NRXN3: variants seen among roughly 807,000 people sequenced by gnomAD.
NRXN3 encodes the protein neurexin 3, also known as neurexin III.
Under a neutral mutation model 137.6 loss-of-function variants are expected in NRXN3, and 32 were observed. The ratio of observed to expected loss-of-function variants is 0.23; its 90% CI spans 0.18 to 0.31. The LOEUF is 0.31. Ranked by LOEUF, NRXN3 falls within the 10% of genes least tolerant of loss-of-function variation. The pLI is 1.00. For synonymous variants in NRXN3, 798 were observed against 784.5 expected, an observed-to-expected ratio of 1.02 and a Z score of -0.29; for missense variants, 1,574 against 2,062.5, an observed-to-expected ratio of 0.76 and a Z score of 4.59.
At chr14:78,938,671 C>T (rs2099346636) in intron 10 of NRXN3, among the ~76,000 whole-genome samples, 1 of 151,732 alleles carries the variant, frequency 6.6e-6, no homozygotes, top group African/African-American at 2.4e-5. Context: ...GAATGTGGTT[C>T]TTTAGGACAT....
chr14:79,394,677 A>G (rs979751051), intron 15 of NRXN3, among the ~76,000 whole-genome samples: 3 of 152,236 alleles, frequency 2.0e-5, no homozygotes, highest in Non-Finnish European at 2.9e-5. Flanking sequence ...AGGACTTGGC[A>G]TCAGTATTTC....
intron 19 of NRXN3, among the ~76,000 whole-genome samples, chr14:79,721,108 G>A (rs958816951): frequency 6.6e-6 from 1 of 152,096 alleles, no homozygotes; most frequent in African/African-American, 2.4e-5. Context: ...CTGCAAATAA[G>A]CCTTACAAGA....
At chr14:79,533,997 T>G (rs2097191055) in intron 16 of NRXN3, among the ~76,000 whole-genome samples, 2 of 152,216 alleles carry the variant, frequency 1.3e-5, no homozygotes, top group South Asian at 4.1e-4. Flanking sequence ...TTGAATACAC[T>G]TTTTTCTCTA....
intron 16 of NRXN3, among the ~76,000 whole-genome samples, chr14:79,494,134 T>A (rs1005290508): frequency 2.6e-5 from 4 of 152,202 alleles, no homozygotes; most frequent in African/African-American, 9.7e-5. Context: ...ACCAGTTTAT[T>A]GAAATTTGAC....
At chr14:79,120,337 A>C (rs1459788465) in intron 15 of NRXN3, among the ~76,000 whole-genome samples, 1 of 152,156 alleles carries the variant, frequency 6.6e-6, no homozygotes, top group African/African-American at 2.4e-5. Context: ...ACTTTAAGTA[A>C]TAACAAAGCT....
At chr14:79,476,771 A>G (rs1285591503) in intron 16 of NRXN3, among the ~76,000 whole-genome samples, 3 of 152,126 alleles carry the variant, frequency 2.0e-5, no homozygotes, top group South Asian at 4.1e-4. Flanking sequence ...GGTAGTCACT[A>G]TTAATATCCT....
rs114971331 is a variant in NRXN3, at chr14:79,035,671, T to C, written c.3262+47530T>C. 8.1e-3 allele frequency among the ~76,000 whole-genome samples: 1,227 copies of C among 152,180 alleles called. 17 individuals carry two copies. The highest frequency in any genetic ancestry group is 0.027 in the African/African-American group (1,141 of 41,550). ...ATCTAACTCAATCTAAATTATATGA[T>C]TTCCGTTTCTACACAGTGGAACAAG... On this transcript the variant is annotated intron_variant, in intron 15 of 20. Transcript: ENST00000335750.
chr14:79,452,564 T>C (rs909164030), intron 15 of NRXN3, among the ~76,000 whole-genome samples: 16 of 152,190 alleles, frequency 1.1e-4, no homozygotes, highest in African/African-American at 3.9e-4. Context: ...TTCCAGGGCC[T>C]GATGACCTGG....
Position 79,867,236 on chromosome 14 carries a change from T to A in NRXN3, c.*5272T>A, listed in dbSNP as rs1224155828. On this transcript the variant is annotated 3_prime_UTR_variant, in exon 21 of 21. Transcript: ENST00000335750. ...GAGAAGCAAGTCATTTTCTACTTTT[T>A]CCAGAAGCATTTGAAGTGGAAGCTA... 6.6e-6 allele frequency: 1 copy of A among 152,182 alleles called. No homozygotes were observed. The highest frequency in any genetic ancestry group is 1.5e-5 in the Non-Finnish European group (1 of 68,048). 9.4% of individuals were successfully genotyped at this position (152,182 alleles called of 1,614,324 possible). A position where few individuals can be genotyped will look rare whatever the true frequency, so the allele number is the denominator to read the frequency against.
At chr14:79,491,585 T>C (rs1247355372) in intron 16 of NRXN3, among the ~76,000 whole-genome samples, 4 of 151,732 alleles carry the variant, frequency 2.6e-5, no homozygotes, top group Admixed American at 6.6e-5. Flanking sequence ...TGTAAAGAAA[T>C]GACATTTTTC....
At chr14:79,329,625 T>C (rs2091393712) in intron 15 of NRXN3, among the ~76,000 whole-genome samples, 1 of 152,194 alleles carries the variant, frequency 6.6e-6, no homozygotes. Flanking sequence ...AGCCAGAATC[T>C]GGTCTGTGGG....
chr14:78,365,883 C>T (rs190194553), intron 4 of NRXN3, among the ~76,000 whole-genome samples: 14 of 152,110 alleles, frequency 9.2e-5, no homozygotes, highest in Non-Finnish European at 1.3e-4. Flanking sequence ...GAGGGTACCC[C>T]GAATGAAAGA....
intron 16 of NRXN3, among the ~76,000 whole-genome samples, chr14:79,562,095 T>A (rs929945286): frequency 6.6e-6 from 1 of 152,154 alleles, no homozygotes; most frequent in African/African-American, 2.4e-5. Flanking sequence ...ATCATATAAA[T>A]TTCAGATTTT....
At chr14:79,069,702 T>A (rs2099685126) in intron 15 of NRXN3, among the ~76,000 whole-genome samples, 1 of 152,174 alleles carries the variant, frequency 6.6e-6, no homozygotes, top group African/African-American at 2.4e-5. Flanking sequence ...AGTCTCAAGA[T>A]CTGGCCCTGG....
intron 3 of NRXN3, among the ~76,000 whole-genome samples, chr14:78,287,118 A>G (rs1363912282): frequency 6.6e-6 from 1 of 152,194 alleles, no homozygotes; most frequent in Non-Finnish European, 1.5e-5. Flanking sequence ...AAAGTTTGAG[A>G]ATCACTGTTT....
At chr14:78,567,939 C>A (rs1566769402) in intron 4 of NRXN3, among the ~76,000 whole-genome samples, 3 of 152,136 alleles carry the variant, frequency 2.0e-5, no homozygotes, top group African/African-American at 7.2e-5. Flanking sequence ...CTCCATCATT[C>A]CTTTCATTCA....
chr14:79,343,905 C>G (rs550118753), intron 15 of NRXN3, among the ~76,000 whole-genome samples: 171 of 152,172 alleles, frequency 1.1e-3, no homozygotes, highest in African/African-American at 4.0e-3. Context: ...TCCCAAAGTG[C>G]TGGGATTACA....
At chr14:79,059,948 TTG>T (rs2099672169) in intron 15 of NRXN3, among the ~76,000 whole-genome samples, 1 of 152,238 alleles carries the variant, frequency 6.6e-6, no homozygotes, top group African/African-American at 2.4e-5. Flanking sequence ...CTTATTTTAC[TTG>T]CCTCTGGCCT....
chr14:79,377,213 G>C (rs1048790140), intron 15 of NRXN3, among the ~76,000 whole-genome samples: 4 of 152,154 alleles, frequency 2.6e-5, no homozygotes, highest in African/African-American at 7.2e-5. Flanking sequence ...GCTAAGTTTA[G>C]TATTCTGGTG....
Sources: allele counts gnomAD v4.1 joint callset (sites outside exome capture counted in the v4.1 genomes callset), GRCh38; gene constraint gnomAD v4.1.1; transcripts MANE v1.5; gene names NCBI Gene and HGNC (gene_info 2026-07-23, HGNC 2026-07-21).